Variants in DYNC1LI2 observed in about 807,000 individuals in gnomAD.
DYNC1LI2 encodes dynein cytoplasmic 1 light intermediate chain 2.
A neutral mutation model predicts 57.8 loss-of-function variants in DYNC1LI2; 19 were observed. The observed-to-expected ratio is 0.33, with a 90% confidence interval of 0.23 to 0.48. The LOEUF is 0.48. Ranked by LOEUF, DYNC1LI2 falls within the 20% of genes least tolerant of loss-of-function variation. DYNC1LI2 has a pLI of 0.99. For missense variants in DYNC1LI2, 470 were observed against 604.2 expected (o/e 0.78, Z 2.33); for synonymous variants, 256 against 233.4 (o/e 1.10, Z -0.88).
chr16:66,723,050 C>T lies in DYNC1LI2; in HGVS notation c.*672G>A. ...GCTGCCATCGTTCCCACCCCTGGGT[C>T]AGCTCCGCCTGACTCAGGCACCCCC... On this transcript the variant is annotated 3_prime_UTR_variant, in exon 13 of 13. Coordinates refer to ENST00000258198, the MANE Select transcript of DYNC1LI2 (RefSeq NM_006141.3). The T allele has an allele frequency of 3.0e-6, 1 of 328,362 alleles. No homozygotes were observed. Among genetic ancestry groups the T allele is most frequent in the East Asian group, 7.6e-5 (1 of 13,134 alleles). 20.3% of individuals were successfully genotyped at this position (328,362 alleles called of 1,614,324 possible).
intron 5 of DYNC1LI2, among the ~76,000 whole-genome samples, chr16:66,735,263 G>A (rs2017713991): frequency 6.6e-6 from 1 of 151,520 alleles, no homozygotes; most frequent in Non-Finnish European, 1.5e-5. Flanking sequence ...CACCACGCCT[G>A]GCTAATTTTT....
intron 5 of DYNC1LI2, among the ~76,000 whole-genome samples, chr16:66,735,719 G>A (rs112573801): frequency 0.017 from 2,502 of 151,454 alleles, 58 homozygotes; most frequent in South Asian, 0.095. Context: ...TGTTAGCTAG[G>A]ATGGTCTCCA....
chr16:66,727,908 A>G (rs1219368208), intron 10 of DYNC1LI2, 103 bp from the exon 11 acceptor site: 27 of 1,089,386 alleles, frequency 2.5e-5, no homozygotes, highest in Non-Finnish European at 3.2e-5. Flanking sequence ...TTCACAGGCT[A>G]TGGTACAGGA....
chr16:66,747,799 G>A (rs1253853146), intron 3 of DYNC1LI2, among the ~76,000 whole-genome samples: 2 of 151,838 alleles, frequency 1.3e-5, no homozygotes, highest in African/African-American at 4.8e-5. Context: ...TTGAACTCCT[G>A]ATCCCAAGTG....
At chr16:66,728,973 C>G in intron 9 of DYNC1LI2, 67 bp downstream of exon 9, 1 of 1,567,512 alleles carries the variant, frequency 6.4e-7, no homozygotes, top group Middle Eastern at 1.7e-4. Context: ...ACACCCCCAA[C>G]CCCACCCTAG....
rs2017487070 is a variant in DYNC1LI2 at position 66,723,645 on chromosome 16, A to G, written c.*77T>C. The G allele has an allele frequency of 7.5e-7, 1 of 1,332,152 alleles. No individual in the cohort carries two copies. The highest frequency in any genetic ancestry group is 1.5e-5 in the African/African-American group (1 of 67,298). 82.5% of individuals were successfully genotyped at this position (1,332,152 alleles called of 1,614,324 possible). A position where few individuals can be genotyped will look rare whatever the true frequency, so the allele number is the denominator to read the frequency against. ...CCAAAAAACTGATAGCATGTGCCAT[A>G]TCAGAAAAATCCTGGTCTTAGCAGA... On this transcript the variant is annotated 3_prime_UTR_variant, in exon 13 of 13. Coordinates refer to ENST00000258198, the MANE Select transcript of DYNC1LI2 (RefSeq NM_006141.3).
intron 8 of DYNC1LI2, among the ~76,000 whole-genome samples, chr16:66,729,887 T>C (rs1015572853): frequency 6.6e-6 from 1 of 152,188 alleles, no homozygotes; most frequent in Admixed American, 6.5e-5. Context: ...GTTCAAGTGA[T>C]TCTCATGCCT....
chr16:66,747,630 T>C (rs2017961401), intron 3 of DYNC1LI2, among the ~76,000 whole-genome samples: 1 of 150,926 alleles, frequency 6.6e-6, no homozygotes, highest in African/African-American at 2.4e-5. Flanking sequence ...AGTGCAGTGG[T>C]GCAATCTCGG....
In DYNC1LI2 at chr16:66,733,706, AAAAC is replaced by A. The variant is rs908911581; in HGVS notation, c.793+508_793+511del. 5.2e-4 allele frequency among the ~76,000 whole-genome samples: 79 copies of A among 152,206 alleles called. 1 individual carries two copies. Among genetic ancestry groups the A allele is most frequent in the Admixed American group, 2.0e-3 (31 of 15,272 alleles). The stretch of plus-strand genomic sequence containing the variant: ...GACGACAAGAGTGAAGCTCTGTCTC[AAAAC>A]AAACAAACAAAAATCTGGAAGTGGT... On this transcript the variant is annotated intron_variant, in intron 6 of 12. Coordinates refer to ENST00000258198, the MANE Select transcript of DYNC1LI2 (RefSeq NM_006141.3).
At chr16:66,740,084 C>G (rs2017809293) in intron 4 of DYNC1LI2, among the ~76,000 whole-genome samples, 1 of 152,046 alleles carries the variant, frequency 6.6e-6, no homozygotes, top group African/African-American at 2.4e-5. Flanking sequence ...TAAGAAAAGC[C>G]CCATATATAA....
At chr16:66,732,232 G>T in intron 7 of DYNC1LI2, 107 bp downstream of exon 7, 2 of 1,346,050 alleles carry the variant, frequency 1.5e-6, no homozygotes. Context: ...GAGAGAGCTG[G>T]CTGTAGAAGA....
At chr16:66,737,872 G>C (rs1434344778) in intron 4 of DYNC1LI2, among the ~76,000 whole-genome samples, 1 of 152,150 alleles carries the variant, frequency 6.6e-6, no homozygotes, top group Non-Finnish European at 1.5e-5. Flanking sequence ...CTCTCATGTT[G>C]GTCCAGAGAA....
Position 66,749,355 on chromosome 16 carries a change from C to T in DYNC1LI2, c.182-42G>A, listed in dbSNP as rs374194983. ...CAAGACAAAGGTGTACTGTTTATTC[C>T]GGGCAAGGATGGGGAGGCATGACAC... On this transcript the variant is annotated intron_variant, in intron 2 of 12. Transcript: ENST00000258198. The T allele has an allele frequency of 8.4e-5, 134 of 1,592,452 alleles. No individual in the cohort carries two copies. The African/African-American group carries it at 1.5e-3, about 18-fold the overall frequency.
At position 66,723,283 on chromosome 16, in the gene DYNC1LI2, T is replaced by C. The variant is rs899768488; in HGVS notation, c.*439A>G. 8 of 455,264 alleles carry C rather than the reference T, an allele frequency of 1.8e-5. No homozygotes were observed. Among genetic ancestry groups the C allele is most frequent in the African/African-American group, 1.0e-4 (5 of 50,056 alleles). The allele number at this position is 455,264 out of a possible 1,614,324, so 28.2% of individuals were successfully genotyped here. A position where few individuals can be genotyped will look rare whatever the true frequency, so the allele number is the denominator to read the frequency against. ...CCATCACTTGTCTCATTACTCCTTC[T>C]GGTCTTTCTTTCCTGGACTTTCTGC... On this transcript the variant is annotated 3_prime_UTR_variant, in exon 13 of 13. Transcript: ENST00000258198.
At chr16:66,723,879 T>C in intron 12 of DYNC1LI2, 57 bp from the exon 13 acceptor site, 1 of 1,464,932 alleles carries the variant, frequency 6.8e-7, no homozygotes, top group Non-Finnish European at 9.2e-7. Context: ...GGAAACAATT[T>C]TTTTTAAAGG....
At chr16:66,749,585 G>A (rs1390741137) in intron 2 of DYNC1LI2, among the ~76,000 whole-genome samples, 1 of 152,146 alleles carries the variant, frequency 6.6e-6, no homozygotes, top group Non-Finnish European at 1.5e-5. Flanking sequence ...CAGGTCCACA[G>A]GCCCTATCTA....
rs564040659 is a variant in DYNC1LI2, at chr16:66,734,656, A to G, written c.700-345T>C. Among the ~76,000 whole-genome samples the G allele has an allele frequency of 5.9e-5, 9 of 152,186 alleles. No homozygotes were observed. The South Asian group carries it at 1.7e-3, about 28-fold the overall frequency. On this transcript the variant is annotated intron_variant, in intron 5 of 12. Transcript: ENST00000258198. Reference sequence around the variant, plus strand: ...AAGAACAGGATGAGAATGGCACACTATAATTGGGTAACATGATGGCTCTGA... The same window carrying G: ...AAGAACAGGATGAGAATGGCACACTGTAATTGGGTAACATGATGGCTCTGA...
chr16:66,751,380 G>C lies in DYNC1LI2; in HGVS notation c.108-34C>G, dbSNP rs570819631. 5.0e-6 allele frequency: 8 copies of C among 1,605,876 alleles called. No homozygotes were observed. In the African/African-American group the frequency reaches 6.8e-5, roughly 14 times the overall value. On this transcript the variant is annotated intron_variant, in intron 1 of 12. Transcript: ENST00000258198. This position sits in a 1 kb window ranked among gnomAD's most constrained non-coding sequence, Gnocchi z 5.2. ...ACAATGGCAAGAGTGGTCAGCCCCG[G>C]GCCGGGCTGGGATGGCCCGGCTCGC...
At chr16:66,749,537 A>G (rs141549027) in intron 2 of DYNC1LI2, among the ~76,000 whole-genome samples, 1 of 152,314 alleles carries the variant, frequency 6.6e-6, no homozygotes, top group African/African-American at 2.4e-5. Flanking sequence ...ATGACATTCT[A>G]CTGCAGTTAT....
Sources: gnomAD v4.1 joint callset for allele counts (sites outside exome capture counted in the v4.1 genomes callset) on GRCh38, gnomAD v4.1.1 for gene constraint, Gnocchi (gnomAD v3.1) non-coding constraint, MANE v1.5 for transcripts, NCBI Gene and HGNC (gene_info 2026-07-23, HGNC 2026-07-21) for gene names.